MTPAP: variants seen among roughly 807,000 people sequenced by gnomAD.
MTPAP encodes the protein mitochondrial poly(A) polymerase.
A neutral mutation model predicts 48.7 loss-of-function variants in MTPAP; 23 were observed. The observed-to-expected ratio is 0.47, with a 90% CI of 0.34 to 0.67. The LOEUF is 0.67. Among genes scored for constraint, MTPAP ranks in the 30% least tolerant of loss-of-function variants. MTPAP has a pLI of 0.01. For synonymous variants in MTPAP, 257 were observed against 254.1 expected, an observed-to-expected ratio of 1.01 and a Z score of -0.11; for missense variants, 614 against 694.3, an observed-to-expected ratio of 0.88 and a Z score of 1.30.
intron 1 of MTPAP, among the ~76,000 whole-genome samples, chr10:30,343,571 CTTTT>C (rs1005592112): frequency 1.4e-5 from 2 of 146,018 alleles, no homozygotes; most frequent in Admixed American, 1.4e-4. Context: ...TATCTTTTTT[CTTTT>C]TTTTTTTAAA....
In MTPAP at chr10:30,322,376, T is replaced by A; in HGVS notation, c.1219+15A>T. ...ATTGGAAAAAGAAAATGGAGAAGTT[T>A]CTTTCTAGTCTTACCTGCTAGGGTT... On this transcript the variant is annotated intron_variant, in intron 6 of 8. Coordinates refer to ENST00000263063, the MANE Select transcript of MTPAP (RefSeq NM_018109.4). The A allele has an allele frequency of 6.5e-7, 1 of 1,550,198 alleles. No homozygotes were observed. The highest frequency in any genetic ancestry group is 8.9e-7 in the Non-Finnish European group (1 of 1,122,022).
chr10:30,316,570 T>C (rs927912835), intron 6 of MTPAP, among the ~76,000 whole-genome samples: 1 of 149,672 alleles, frequency 6.7e-6, no homozygotes, highest in Non-Finnish European at 1.5e-5. Flanking sequence ...AGATATTCCC[T>C]ACCTCAGAAT....
chr10:30,322,741 T>TTAGG, intron 5 of MTPAP, 124 bp from the exon 6 acceptor site: 1 of 706,716 alleles, frequency 1.4e-6, no homozygotes, highest in Non-Finnish European at 2.4e-6. Context: ...CAGAACATCA[T>TTAGG]TAGGTAATCA....
At chr10:30,341,299 T>C (rs1464044049) in intron 2 of MTPAP, among the ~76,000 whole-genome samples, 169 bp downstream of exon 2, 2 of 151,940 alleles carry the variant, frequency 1.3e-5, no homozygotes, top group African/African-American at 2.4e-5. Flanking sequence ...GCTATAAGAA[T>C]CCCATATCAA....
intron 8 of MTPAP, 61 bp downstream of exon 8, chr10:30,315,898 GTTAA>G (rs1254904694): frequency 1.4e-6 from 2 of 1,404,372 alleles, no homozygotes; most frequent in African/African-American, 2.9e-5. Context: ...TTTGAAAACA[GTTAA>G]TTAAATATTA....
intron 6 of MTPAP, among the ~76,000 whole-genome samples, chr10:30,317,650 G>A (rs1309234971): frequency 6.6e-6 from 1 of 151,972 alleles, no homozygotes. Flanking sequence ...TTCCAAACTG[G>A]TTTTCCATCC....
intron 1 of MTPAP, among the ~76,000 whole-genome samples, chr10:30,345,661 G>A (rs1006653777): frequency 1.3e-5 from 2 of 152,200 alleles, no homozygotes; most frequent in African/African-American, 4.8e-5. Context: ...CAAATTAAAA[G>A]GAAGAACTAA....
chr10:30,347,435 T>C (rs1728910668), intron 1 of MTPAP, among the ~76,000 whole-genome samples: 2 of 152,248 alleles, frequency 1.3e-5, no homozygotes, highest in South Asian at 4.1e-4. Flanking sequence ...TTAACTGTCC[T>C]TCTTTAAAAT....
Position 30,336,249 on chromosome 10 carries a change from C to T in MTPAP, c.780+554G>A, listed in dbSNP as rs564365391. Among the ~76,000 whole-genome samples, 10 of 151,880 alleles carry T rather than the reference C, an allele frequency of 6.6e-5. No homozygotes were observed. The South Asian group carries it at 8.3e-4, about 13-fold the overall frequency. On this transcript the variant is annotated intron_variant, in intron 4 of 8. Coordinates refer to ENST00000263063, the MANE Select transcript of MTPAP (RefSeq NM_018109.4). ...GAAGACATGTGAGACAACTACCAAG[C>T]GGCCATATTAACAAATAAAATAGAA... is the stretch of plus-strand genomic sequence containing the variant.
chr10:30,318,857 T>C (rs558325303), intron 6 of MTPAP, among the ~76,000 whole-genome samples: 1 of 152,078 alleles, frequency 6.6e-6, no homozygotes, highest in Non-Finnish European at 1.5e-5. Flanking sequence ...AGCTTGACAA[T>C]GCTGAGGCAG....
intron 1 of MTPAP, among the ~76,000 whole-genome samples, chr10:30,342,579 T>C (rs2132870146): frequency 6.6e-6 from 1 of 150,484 alleles, no homozygotes; most frequent in Admixed American, 6.6e-5. Flanking sequence ...CTAAAATCAC[T>C]TATTTAATAC....
intron 5 of MTPAP, among the ~76,000 whole-genome samples, chr10:30,325,716 C>G (rs1478056067): frequency 1.3e-5 from 2 of 152,124 alleles, no homozygotes; most frequent in East Asian, 3.9e-4. Context: ...GTGTGCTGCA[C>G]TCCAGCCTAG....
chr10:30,326,739 C>A, intron 4 of MTPAP, 104 bp from the exon 5 acceptor site: 2 of 863,054 alleles, frequency 2.3e-6, no homozygotes, highest in Admixed American at 2.7e-5. Flanking sequence ...GAAAGCAAAA[C>A]AAAATAAGAA....
At chr10:30,318,077 T>C (rs901961585) in intron 6 of MTPAP, among the ~76,000 whole-genome samples, 2 of 152,130 alleles carry the variant, frequency 1.3e-5, no homozygotes, top group African/African-American at 4.8e-5. Context: ...CAGGCTGGTC[T>C]CAAACTCCTG....
At position 30,337,038 on chromosome 10, in the gene MTPAP, G is replaced by GA; in HGVS notation, c.556-12dup. The GA allele has an allele frequency of 6.3e-7, 1 of 1,597,544 alleles. No homozygotes were observed. The highest frequency in any genetic ancestry group is 8.6e-7 in the Non-Finnish European group (1 of 1,166,238). On this transcript the variant is annotated splice_polypyrimidine_tract_variant and intron_variant, in intron 3 of 8. Coordinates refer to ENST00000263063, the MANE Select transcript of MTPAP (RefSeq NM_018109.4). ...CAGCTGATCGTCTATCTAGCTAGCC[G>GA]AAACAAAACCAACAAAATAGAGAAA... is the stretch of plus-strand genomic sequence containing the variant.
chr10:30,347,445 T>C (rs1195656053), intron 1 of MTPAP, among the ~76,000 whole-genome samples: 1 of 152,238 alleles, frequency 6.6e-6, no homozygotes, highest in African/African-American at 2.4e-5. Context: ...TTCTTTAAAA[T>C]GGTAAAGACA....
intron 4 of MTPAP, among the ~76,000 whole-genome samples, chr10:30,332,938 G>C (rs1031646358): frequency 2.0e-5 from 3 of 151,972 alleles, no homozygotes; most frequent in Admixed American, 6.6e-5. Flanking sequence ...TGGCTAACAC[G>C]GTGAAACTCC....
At chr10:30,317,658 T>A (rs1348941991) in intron 6 of MTPAP, among the ~76,000 whole-genome samples, 2 of 152,168 alleles carry the variant, frequency 1.3e-5, no homozygotes, top group Admixed American at 6.5e-5. Flanking sequence ...TGGTTTTCCA[T>A]CCTTTTTGTT....
intron 4 of MTPAP, among the ~76,000 whole-genome samples, chr10:30,335,081 T>C (rs1372711649): frequency 1.3e-5 from 2 of 152,244 alleles, no homozygotes; most frequent in Non-Finnish European, 2.9e-5. Context: ...ATAAGTTGTC[T>C]CAAAATATTG....
Sources: gnomAD v4.1 joint callset for allele counts (sites outside exome capture counted in the v4.1 genomes callset) on GRCh38, gnomAD v4.1.1 for gene constraint, MANE v1.5 for transcripts, NCBI Gene and HGNC (gene_info 2026-07-23, HGNC 2026-07-21) for gene names.